Variants in GABRG3 observed in about 807,000 individuals in gnomAD.
GABRG3 encodes the protein gamma-aminobutyric acid type A receptor subunit gamma3.
GABRG3 carries 25 observed loss-of-function variants against 48.8 expected under a neutral mutation model. That is an observed-to-expected ratio of 0.51 (90% CI 0.37 to 0.72). The LOEUF is 0.72. Ranked by LOEUF, GABRG3 falls within the 30% of genes least tolerant of loss-of-function variation. The pLI is 0.00. For missense variants in GABRG3, 394 were observed against 577.9 expected (o/e 0.68, Z 3.26); for synonymous variants, 227 against 217.6 (o/e 1.04, Z -0.38).
intron 3 of GABRG3, among the ~76,000 whole-genome samples, chr15:27,316,244 C>G (rs953831396): frequency 1.3e-5 from 2 of 151,858 alleles, no homozygotes; most frequent in African/African-American, 4.8e-5. Context: ...AAAAATTAGC[C>G]GGGCCTAGTG....
Position 27,192,373 on chromosome 15 carries a change from A to T in GABRG3, c.271-134436A>T, listed in dbSNP as rs1398375356. The stretch of plus-strand genomic sequence containing the variant: ...ACTTTCAGGTACACCAATCAGACGT[A>T]GATTTGGTCTTTTCACATAGTCCCG... On this transcript the variant is annotated intron_variant, in intron 3 of 9. Coordinates refer to ENST00000615808, the MANE Select transcript of GABRG3 (RefSeq NM_033223.5). Among the ~76,000 whole-genome samples the T allele has an allele frequency of 2.0e-5, 3 of 152,202 alleles. No homozygotes were observed. In the South Asian group the frequency reaches 6.2e-4, roughly 32 times the overall value.
At chr15:27,463,635 CCTT>C (rs1351974243) in intron 5 of GABRG3, among the ~76,000 whole-genome samples, 3 of 152,182 alleles carry the variant, frequency 2.0e-5, no homozygotes, top group Non-Finnish European at 4.4e-5. Flanking sequence ...CTCCCTAGCA[CCTT>C]CTTCTGTGGG....
chr15:26,987,103 A>T (rs780692054), intron 2 of GABRG3, among the ~76,000 whole-genome samples: 1 of 152,162 alleles, frequency 6.6e-6, no homozygotes, highest in Non-Finnish European at 1.5e-5. Flanking sequence ...TAAAAATACA[A>T]AAAAATTAGC....
chr15:27,264,176 A>C (rs188585698), intron 3 of GABRG3, among the ~76,000 whole-genome samples: 6 of 152,186 alleles, frequency 3.9e-5, no homozygotes, highest in South Asian at 2.1e-4. Context: ...AACTGGAGAA[A>C]TGGTTAGAGA....
intron 2 of GABRG3, among the ~76,000 whole-genome samples, chr15:27,026,405 A>G (rs537737561): frequency 6.6e-6 from 1 of 152,332 alleles, no homozygotes; most frequent in East Asian, 1.9e-4. Flanking sequence ...TTACTCATGC[A>G]GTAGCTCACC....
At chr15:27,354,236 G>T (rs1382220235) in intron 5 of GABRG3, among the ~76,000 whole-genome samples, 1 of 152,184 alleles carries the variant, frequency 6.6e-6, no homozygotes, top group East Asian at 1.9e-4. Flanking sequence ...AAAACTGACA[G>T]CATTTGTGAG....
At chr15:27,411,568 G>A (rs1454827283) in intron 5 of GABRG3, among the ~76,000 whole-genome samples, 4 of 152,154 alleles carry the variant, frequency 2.6e-5, no homozygotes, top group African/African-American at 9.7e-5. Flanking sequence ...TCAAAGTTCT[G>A]AATAATTTGA....
At position 27,179,887 on chromosome 15, in the gene GABRG3, G is replaced by GT. The variant is rs1476637095; in HGVS notation, c.271-146919dup. 6.6e-6 allele frequency among the ~76,000 whole-genome samples: 1 copy of GT among 152,186 alleles called. No homozygotes were observed. Among genetic ancestry groups the GT allele is most frequent in the Non-Finnish European group, 1.5e-5 (1 of 68,034 alleles). On this transcript the variant is annotated intron_variant, in intron 3 of 9. Transcript: ENST00000615808. This position sits in a 1 kb window ranked among gnomAD's most constrained non-coding sequence, Gnocchi z 4.0. ...CTTGTGTGCATAAAATAAGCTGAATGTTTGTGCCCTGTTACCAGATTGTTC... is the reference window on the plus strand; with the variant it reads ...CTTGTGTGCATAAAATAAGCTGAATGTTTTGTGCCCTGTTACCAGATTGTTC...
intron 3 of GABRG3, among the ~76,000 whole-genome samples, chr15:27,307,390 ACCAT>A (rs1892633948): frequency 9.4e-6 from 1 of 106,252 alleles, no homozygotes; most frequent in African/African-American, 3.2e-5. Flanking sequence ...TTTATATATA[ACCAT>A]ATAGGTTTAT....
chr15:27,290,532 T>C (rs949202318), intron 3 of GABRG3, among the ~76,000 whole-genome samples: 2 of 152,128 alleles, frequency 1.3e-5, no homozygotes, highest in Non-Finnish European at 2.9e-5. Flanking sequence ...TATGATACGA[T>C]GAGAGCACCA....
intron 6 of GABRG3, among the ~76,000 whole-genome samples, chr15:27,497,663 T>C (rs1890519773): frequency 6.6e-6 from 1 of 152,250 alleles, no homozygotes; most frequent in Non-Finnish European, 1.5e-5. Flanking sequence ...GGTGTTCCTA[T>C]TTCTTTGATT....
intron 9 of GABRG3, among the ~76,000 whole-genome samples, chr15:27,529,993 C>CCTGT (rs1891382868): frequency 6.6e-6 from 1 of 151,364 alleles, no homozygotes; most frequent in African/African-American, 2.4e-5. Context: ...GGTGAGAAGA[C>CCTGT]ACAACCAGAG....
chr15:27,248,786 A>C (rs1276334454), intron 3 of GABRG3, among the ~76,000 whole-genome samples: 1 of 113,198 alleles, frequency 8.8e-6, no homozygotes, highest in African/African-American at 3.9e-5. Context: ...ACACACACAC[A>C]CACACACACA....
intron 3 of GABRG3, among the ~76,000 whole-genome samples, chr15:27,078,642 A>C (rs1385075548): frequency 6.6e-6 from 1 of 152,196 alleles, no homozygotes; most frequent in African/African-American, 2.4e-5. Flanking sequence ...GTCACCGCCC[A>C]GGGGCTCCTC....
chr15:27,100,112 G>A (rs1045367756), intron 3 of GABRG3, among the ~76,000 whole-genome samples: 31 of 151,800 alleles, frequency 2.0e-4, no homozygotes, highest in African/African-American at 6.1e-4. Flanking sequence ...CAGCTACTGG[G>A]GAGGCTGAGG....
At chr15:27,496,326 C>T (rs1019069063) in intron 6 of GABRG3, among the ~76,000 whole-genome samples, 2 of 152,154 alleles carry the variant, frequency 1.3e-5, no homozygotes, top group Non-Finnish European at 2.9e-5. Flanking sequence ...AGGCCACAGG[C>T]TTTTTCTGGG....
intron 3 of GABRG3, among the ~76,000 whole-genome samples, chr15:27,188,782 T>G (rs1175720389): frequency 6.6e-6 from 1 of 152,234 alleles, no homozygotes; most frequent in East Asian, 1.9e-4. Flanking sequence ...TTTTGGTGTT[T>G]TACACATGAA....
intron 3 of GABRG3, among the ~76,000 whole-genome samples, chr15:27,288,729 A>AT (rs1032867283): frequency 7.9e-6 from 1 of 125,932 alleles, no homozygotes; most frequent in Non-Finnish European, 2.0e-5. Context: ...AAAAAAAAAA[A>AT]AAATAAGAGG....
intron 3 of GABRG3, among the ~76,000 whole-genome samples, chr15:27,072,559 G>A (rs920850788): frequency 5.3e-5 from 8 of 152,166 alleles, no homozygotes; most frequent in African/African-American, 1.7e-4. Flanking sequence ...ACTCCAGAGG[G>A]TACAATGACT....
Sources: gnomAD v4.1 joint callset for allele counts (sites outside exome capture counted in the v4.1 genomes callset) on GRCh38, gnomAD v4.1.1 for gene constraint, Gnocchi (gnomAD v3.1) non-coding constraint, MANE v1.5 for transcripts, NCBI Gene and HGNC (gene_info 2026-07-23, HGNC 2026-07-21) for gene names.